PPARGC1A: variants seen among roughly 807,000 people sequenced by gnomAD.
PPARGC1A encodes the protein PPARG coactivator 1 alpha.
PPARGC1A carries 25 observed loss-of-function variants against 88.7 expected under a neutral mutation model. That is an observed-to-expected ratio of 0.28 (90% confidence interval 0.21 to 0.39). The LOEUF is 0.39. PPARGC1A is among the 10% of genes least tolerant of loss of function. The pLI is 1.00. For missense variants in PPARGC1A, 880 were observed against 968.7 expected (o/e 0.91, Z 1.22); for synonymous variants, 363 against 355.6 (o/e 1.02, Z -0.24).
At chr4:24,447,316 G>A in the PPARGC1A span, among the ~76,000 whole-genome samples, 9 of 152,150 alleles carry the variant, frequency 5.9e-5, no homozygotes, top group African/African-American at 2.2e-4. Flanking sequence ...GCCAAACAGA[G>A]CTGCCCTCTG....
At chr4:24,197,258 C>T in the PPARGC1A span, among the ~76,000 whole-genome samples, 131,786 of 152,258 alleles carry the variant, frequency 0.87, 57,192 homozygotes, top group Middle Eastern at 0.93. Flanking sequence ...TAACAACCTG[C>T]CATCTACCTT....
At chr4:24,220,056 G>A in the PPARGC1A span, among the ~76,000 whole-genome samples, 3 of 152,070 alleles carry the variant, frequency 2.0e-5, no homozygotes, top group Non-Finnish European at 4.4e-5. Context: ...TTAAAAAGTG[G>A]AACAAAGGAG....
At chr4:23,985,168 T>G in the PPARGC1A span, among the ~76,000 whole-genome samples, 1 of 152,152 alleles carries the variant, frequency 6.6e-6, no homozygotes, top group East Asian at 1.9e-4. Context: ...GGTAGCCAGC[T>G]GTTCTTCAGT....
the PPARGC1A span, among the ~76,000 whole-genome samples, chr4:24,152,607 C>A: frequency 6.6e-6 from 1 of 152,032 alleles, no homozygotes; most frequent in Non-Finnish European, 1.5e-5. Flanking sequence ...AATAGTTTGC[C>A]GCTTATTATT....
the PPARGC1A span, among the ~76,000 whole-genome samples, chr4:24,209,403 T>G: frequency 6.6e-6 from 1 of 152,280 alleles, no homozygotes; most frequent in Non-Finnish European, 1.5e-5. Flanking sequence ...CAGAGGACAT[T>G]TGGCAATATG....
At chr4:23,991,916 C>T in the PPARGC1A span, among the ~76,000 whole-genome samples, 10 of 152,032 alleles carry the variant, frequency 6.6e-5, no homozygotes, top group Non-Finnish European at 1.2e-4. Context: ...AGGCTGCAAC[C>T]TCAAAGCACG....
intron 2 of PPARGC1A, among the ~76,000 whole-genome samples, chr4:23,873,212 A>AAAAAAAG (rs1713912119): frequency 6.8e-6 from 1 of 147,150 alleles, no homozygotes; most frequent in Non-Finnish European, 1.5e-5. Flanking sequence ...ATAAAAAATA[A>AAAAAAAG]AAAATAAAAA....
At chr4:24,230,958 AT>A in the PPARGC1A span, among the ~76,000 whole-genome samples, 892 of 150,418 alleles carry the variant, frequency 5.9e-3, 23 homozygotes, top group Middle Eastern at 0.024. Flanking sequence ...ATTAAAAAAA[AT>A]AAAAAAAGAC....
the PPARGC1A span, among the ~76,000 whole-genome samples, chr4:24,009,295 G>A: frequency 0.18 from 27,615 of 151,968 alleles, 2,583 homozygotes; most frequent in South Asian, 0.21. Context: ...TTGAAACTGC[G>A]TCTGCAAGTA....
chr4:24,348,623 A>G, the PPARGC1A span, among the ~76,000 whole-genome samples: 2 of 152,000 alleles, frequency 1.3e-5, no homozygotes, highest in Non-Finnish European at 2.9e-5. Context: ...AGCATTTTGC[A>G]TTTCTAGAAG....
At chr4:23,899,641 G>A (rs1202286451), upstream of PPARGC1A, among the ~76,000 whole-genome samples, 1 of 152,174 alleles carries the variant, frequency 6.6e-6, no homozygotes, top group Non-Finnish European at 1.5e-5. Flanking sequence ...GAAATGTAAT[G>A]TGAAGCAAAG....
At position 23,813,015 on chromosome 4, in the gene PPARGC1A, C is replaced by T. The variant is rs773963667; in HGVS notation, c.1898+6G>A. 5 of 1,613,756 alleles carry T rather than the reference C, an allele frequency of 3.1e-6. No individual in the cohort carries two copies. The Admixed American group carries it at 5.0e-5, about 16-fold the overall frequency. ...GGAGCTAAAGGAAAATGACATGCCT[C>T]ATTACCTGGGCCGACGGCTGTAGGG... On this transcript the variant is annotated splice_donor_region_variant and intron_variant, in intron 9 of 12. Transcript: ENST00000264867.
the PPARGC1A span, among the ~76,000 whole-genome samples, chr4:24,081,761 A>C: frequency 6.6e-6 from 1 of 151,530 alleles, no homozygotes; most frequent in East Asian, 1.9e-4. Context: ...TTTTTTTACA[A>C]GCGTTAAGAA....
At chr4:23,873,634 TATCTCAACTA>T (rs992204557) in intron 2 of PPARGC1A, among the ~76,000 whole-genome samples, 7 of 152,100 alleles carry the variant, frequency 4.6e-5, no homozygotes, top group African/African-American at 1.7e-4. Context: ...GATGATTCTC[TATCTCAACTA>T]AGTTTGAATA....
chr4:24,162,005 CACACA>C, the PPARGC1A span, among the ~76,000 whole-genome samples: 1 of 142,748 alleles, frequency 7.0e-6, no homozygotes, highest in Non-Finnish European at 1.5e-5. Context: ...CACACACACA[CACACA>C]CACCATGGAA....
At chr4:24,263,157 G>C in the PPARGC1A span, among the ~76,000 whole-genome samples, 1 of 152,284 alleles carries the variant, frequency 6.6e-6, no homozygotes, top group Non-Finnish European at 1.5e-5. Flanking sequence ...CTTACTGTAG[G>C]TTCACAGTAG....
the PPARGC1A span, among the ~76,000 whole-genome samples, chr4:24,182,386 C>A: frequency 6.6e-6 from 1 of 152,134 alleles, no homozygotes; most frequent in African/African-American, 2.4e-5. Flanking sequence ...TTTTCTTTAT[C>A]CTGTCTATCA....
chr4:24,109,036 C>T, the PPARGC1A span, among the ~76,000 whole-genome samples: 1 of 128,626 alleles, frequency 7.8e-6, no homozygotes, highest in Non-Finnish European at 1.6e-5. Flanking sequence ...CACACACACA[C>T]CACACACACA....
the PPARGC1A span, among the ~76,000 whole-genome samples, chr4:23,979,676 G>C: frequency 6.6e-6 from 1 of 152,188 alleles, no homozygotes; most frequent in Non-Finnish European, 1.5e-5. Flanking sequence ...CTGCGGGGGG[G>C]ACAAGAAGCT....
Sources: gnomAD v4.1 joint callset for allele counts (sites outside exome capture counted in the v4.1 genomes callset) on GRCh38, gnomAD v4.1.1 for gene constraint, MANE v1.5 for transcripts, NCBI Gene and HGNC (gene_info 2026-07-23, HGNC 2026-07-21) for gene names.